ABTB3: variants seen among roughly 807,000 people sequenced by gnomAD.
The protein encoded by ABTB3 is ankyrin repeat and BTB domain containing 3, also known as ankyrin repeat- and BTB/POZ domain-containing protein 3.
the ABTB3 span, among the ~76,000 whole-genome samples, chr12:107,452,476 G>A: frequency 2.6e-5 from 4 of 152,062 alleles, no homozygotes; most frequent in African/African-American, 9.7e-5. Flanking sequence ...AAAGTGCTGG[G>A]ATTACAGGCT....
At chr12:107,456,350 GTATT>G in the ABTB3 span, among the ~76,000 whole-genome samples, 1 of 152,226 alleles carries the variant, frequency 6.6e-6, no homozygotes, top group African/African-American at 2.4e-5. Context: ...AGCTTCATCT[GTATT>G]TATAGTCGTT....
chr12:107,483,522 C>T, the ABTB3 span, among the ~76,000 whole-genome samples: 1 of 152,158 alleles, frequency 6.6e-6, no homozygotes, highest in East Asian at 1.9e-4. Flanking sequence ...AGTCCCCCAG[C>T]CTTTTTCCCT....
chr12:107,350,114 C>T, the ABTB3 span, among the ~76,000 whole-genome samples: 2 of 152,088 alleles, frequency 1.3e-5, no homozygotes, highest in African/African-American at 4.8e-5. Context: ...CAAAGGATAA[C>T]CTTTGTTGTA....
chr12:107,600,361 A>ACTT, the ABTB3 span, among the ~76,000 whole-genome samples: 1 of 152,266 alleles, frequency 6.6e-6, no homozygotes, highest in Non-Finnish European at 1.5e-5. Flanking sequence ...TATGTGAAAT[A>ACTT]CTTAACAAAT....
the ABTB3 span, among the ~76,000 whole-genome samples, chr12:107,588,895 T>C: frequency 3.3e-5 from 5 of 152,128 alleles, no homozygotes; most frequent in African/African-American, 7.2e-5. Context: ...TGGAGCAAGG[T>C]TACCAGAGAA....
the ABTB3 span, among the ~76,000 whole-genome samples, chr12:107,434,899 A>G: frequency 1.3e-5 from 2 of 151,944 alleles, no homozygotes; most frequent in East Asian, 3.9e-4. Flanking sequence ...AACAAAACAG[A>G]TTAAAGGCCG....
the ABTB3 span, chr12:107,640,242 C>T: frequency 9.7e-6 from 9 of 929,900 alleles, no homozygotes; most frequent in African/African-American, 6.6e-5. Context: ...TTTGCACTTT[C>T]TACAAGATAA....
the ABTB3 span, among the ~76,000 whole-genome samples, chr12:107,335,505 G>A: frequency 1.2e-4 from 18 of 152,124 alleles, 1 homozygote; most frequent in South Asian, 3.7e-3. Flanking sequence ...GATTAAGGCA[G>A]GGAGGCTTCT....
At chr12:107,391,927 G>A in the ABTB3 span, among the ~76,000 whole-genome samples, 1 of 152,192 alleles carries the variant, frequency 6.6e-6, no homozygotes, top group African/African-American at 2.4e-5. Context: ...GAACACTTGG[G>A]ACCAACAAAG....
At chr12:107,465,436 C>T in the ABTB3 span, among the ~76,000 whole-genome samples, 3 of 152,148 alleles carry the variant, frequency 2.0e-5, no homozygotes, top group Non-Finnish European at 1.5e-5. Flanking sequence ...CACTGTGAGC[C>T]TCTTCCTACC....
At chr12:107,377,215 C>T in the ABTB3 span, among the ~76,000 whole-genome samples, 1 of 152,292 alleles carries the variant, frequency 6.6e-6, no homozygotes, top group East Asian at 1.9e-4. Flanking sequence ...TATAAAAGCC[C>T]AGCCCCCATG....
the ABTB3 span, among the ~76,000 whole-genome samples, chr12:107,549,522 A>G: frequency 6.6e-6 from 1 of 152,238 alleles, no homozygotes; most frequent in African/African-American, 2.4e-5. Context: ...TACAAGCAGC[A>G]CTACCAGTCA....
At chr12:107,579,189 C>T in the ABTB3 span, among the ~76,000 whole-genome samples, 7 of 152,318 alleles carry the variant, frequency 4.6e-5, no homozygotes, top group African/African-American at 1.4e-4. Context: ...GGGCTTGAAG[C>T]CTTACAGACA....
chr12:107,611,948 G>A, the ABTB3 span, among the ~76,000 whole-genome samples: 3 of 152,238 alleles, frequency 2.0e-5, no homozygotes, highest in Admixed American at 6.5e-5. Context: ...TCAATTATAT[G>A]TCCCCAAGGC....
chr12:107,367,511 A>G, the ABTB3 span, among the ~76,000 whole-genome samples: 2 of 151,084 alleles, frequency 1.3e-5, no homozygotes, highest in African/African-American at 2.4e-5. Flanking sequence ...ATTTTTATGT[A>G]TTTATTTATT....
chr12:107,524,054 A>C, the ABTB3 span, among the ~76,000 whole-genome samples: 2 of 152,238 alleles, frequency 1.3e-5, no homozygotes, highest in African/African-American at 4.8e-5. Context: ...TCTGCTCTTC[A>C]CCTAAGAGGC....
the ABTB3 span, among the ~76,000 whole-genome samples, chr12:107,389,880 G>GTGTGTGTA: frequency 3.0e-5 from 4 of 134,668 alleles, no homozygotes; most frequent in African/African-American, 8.3e-5. Flanking sequence ...GTGTGTGTGT[G>GTGTGTGTA]TGTATGTATC....
the ABTB3 span, among the ~76,000 whole-genome samples, chr12:107,616,874 C>T: frequency 6.6e-6 from 1 of 152,212 alleles, no homozygotes; most frequent in Non-Finnish European, 1.5e-5. Context: ...GGTGCTGATG[C>T]TGTTATGCAT....
the ABTB3 span, among the ~76,000 whole-genome samples, chr12:107,415,011 G>A: frequency 6.6e-6 from 1 of 151,916 alleles, no homozygotes; most frequent in Non-Finnish European, 1.5e-5. Context: ...CAGTGTGCCC[G>A]GCCCGATCAC....
Sources: allele counts gnomAD v4.1 joint callset (sites outside exome capture counted in the v4.1 genomes callset), GRCh38; gene constraint gnomAD v4.1.1; transcripts MANE v1.5; gene names NCBI Gene and HGNC (gene_info 2026-07-23, HGNC 2026-07-21).